The following HSF2 variants were observed in gnomAD, a reference collection of about 807,000 sequenced individuals.
The protein encoded by HSF2 is heat shock transcription factor 2.
In HSF2, 21 loss-of-function variants were observed where a neutral mutation model predicts 65.0. That is an observed-to-expected ratio of 0.32 (90% CI 0.23 to 0.47). The LOEUF (loss-of-function observed/expected upper bound fraction) is 0.47. Ranked by LOEUF, HSF2 falls within the 20% of genes least tolerant of loss-of-function variation. The pLI is 1.00. For missense variants in HSF2, 499 were observed against 628.1 expected, an observed-to-expected ratio of 0.79 and a Z score of 2.20; for synonymous variants, 225 against 219.1, an observed-to-expected ratio of 1.03 and a Z score of -0.24.
At chr6:122,416,445 T>G in intron 5 of HSF2, 149 bp downstream of exon 5, 2 of 497,782 alleles carry the variant, frequency 4.0e-6, no homozygotes, top group Non-Finnish European at 7.1e-6. Context: ...GAAATGAAAT[T>G]AAGCCAAGTG....
intron 10 of HSF2, 44 bp from the exon 11 acceptor site, chr6:122,427,859 T>A (rs1301301968): frequency 5.5e-6 from 8 of 1,457,548 alleles, no homozygotes; most frequent in African/African-American, 1.4e-5. Flanking sequence ...CAATTATTTT[T>A]AATTATTTTT....
chr6:122,423,713 T>A, intron 10 of HSF2, 27 bp downstream of exon 10: 1 of 1,268,064 alleles, frequency 7.9e-7, no homozygotes, highest in Non-Finnish European at 1.1e-6. Flanking sequence ...ATCTTTGCTA[T>A]ACTGGTAGTT....
intron 1 of HSF2, 52 bp downstream of exon 1, chr6:122,399,882 C>G: frequency 7.5e-7 from 1 of 1,329,710 alleles, no homozygotes. Context: ...CGCCTCCTCA[C>G]TCGCTCTCCT....
At chr6:122,421,271 T>C (rs985763023) in intron 7 of HSF2, among the ~76,000 whole-genome samples, 1 of 152,092 alleles carries the variant, frequency 6.6e-6, no homozygotes, top group Admixed American at 6.6e-5. Flanking sequence ...ATCTTTTTGT[T>C]ACTACTTTCA....
At chr6:122,408,266 A>G (rs1003935178) in intron 1 of HSF2, among the ~76,000 whole-genome samples, 6 of 151,658 alleles carry the variant, frequency 4.0e-5, no homozygotes, top group East Asian at 1.9e-4. Context: ...AGGGTAATCT[A>G]TCCTTCAGGA....
intron 11 of HSF2, among the ~76,000 whole-genome samples, chr6:122,430,128 G>A (rs1322329028): frequency 6.6e-5 from 10 of 152,154 alleles, no homozygotes; most frequent in East Asian, 1.9e-4. Flanking sequence ...CTGTGAATCC[G>A]TCTGGTCCTG....
At chr6:122,414,505 A>G (rs111242483) in intron 4 of HSF2, among the ~76,000 whole-genome samples, 240 of 152,274 alleles carry the variant, frequency 1.6e-3, no homozygotes, top group Non-Finnish European at 2.6e-3. Context: ...TACTGTATGT[A>G]TCTTGTGTAT....
At chr6:122,407,886 T>C (rs1242015689) in intron 1 of HSF2, among the ~76,000 whole-genome samples, 3 of 152,164 alleles carry the variant, frequency 2.0e-5, no homozygotes, top group Non-Finnish European at 4.4e-5. Context: ...ATGAAGGCAG[T>C]GGCCATTTCA....
chr6:122,432,136 T>C lies in HSF2; in HGVS notation c.1527T>C (p.Ala509=). 2 of 1,614,160 alleles carry C rather than the reference T, an allele frequency of 1.2e-6. No individual in the cohort carries two copies. The highest frequency in any genetic ancestry group is 1.1e-5 in the South Asian group (1 of 91,086). Reference sequence around the variant, plus strand: ...TTCGCCTGGAGCCATTGACTGAAGCTGAAGCTAGTGAAGCTACACTGTTTT... The same window carrying C: ...TTCGCCTGGAGCCATTGACTGAAGCCGAAGCTAGTGAAGCTACACTGTTTT... The part of the protein sequence containing the change: ...KLVRLEPLTE[A]EASEATLFYL... Residue 509 remains alanine (A), a synonymous_variant, in exon 13 of 13, where the codon GCT becomes GCC. Coordinates refer to ENST00000368455, the MANE Select transcript of HSF2 (RefSeq NM_004506.4).
At chr6:122,412,974 T>A (rs950378930) in intron 3 of HSF2, among the ~76,000 whole-genome samples, 6 of 151,928 alleles carry the variant, frequency 3.9e-5, no homozygotes, top group Admixed American at 3.3e-4. Flanking sequence ...GAATATGAGC[T>A]CCCTGGAAGA....
chr6:122,399,835 G>C lies in HSF2; in HGVS notation c.93+5G>C. On this transcript the variant is annotated splice_donor_5th_base_variant and intron_variant, in intron 1 of 12. Coordinates refer to ENST00000368455, the MANE Select transcript of HSF2 (RefSeq NM_004506.4). The stretch of plus-strand genomic sequence containing the variant: ...GAGTTCATCACCTGGAGCCAGGTAC[G>C]GTCAGGCCACGGCGGCCTCTGAACC... 1 of 1,607,764 alleles carries C rather than the reference G, an allele frequency of 6.2e-7. No homozygotes were observed. Among genetic ancestry groups the C allele is most frequent in the Non-Finnish European group, 8.5e-7 (1 of 1,175,684 alleles).
chr6:122,431,581 C>A, intron 12 of HSF2, 67 bp downstream of exon 12: 1 of 843,552 alleles, frequency 1.2e-6, no homozygotes, highest in South Asian at 1.7e-5. Context: ...AAGTGCAAGC[C>A]GAGGGTAGTC....
chr6:122,404,375 C>T (rs1773814478), intron 1 of HSF2, among the ~76,000 whole-genome samples: 1 of 152,098 alleles, frequency 6.6e-6, no homozygotes, highest in African/African-American at 2.4e-5. Flanking sequence ...TAAAATCCAA[C>T]TTAGATGGAC....
At position 122,427,889 on chromosome 6, in the gene HSF2, G is replaced by C. The variant is rs766826258; in HGVS notation, c.1177-14G>C. The C allele has an allele frequency of 6.4e-7, 1 of 1,573,396 alleles. No individual in the cohort carries two copies. Among genetic ancestry groups the C allele is most frequent in the South Asian group, 1.1e-5 (1 of 87,286 alleles). ...ATTTTTTAAACTTATCATCTTTCTT[G>C]TTTGGTCTTTCAGCTTTTCACTAGT... On this transcript the variant is annotated splice_polypyrimidine_tract_variant and intron_variant, in intron 10 of 12. Coordinates refer to ENST00000368455, the MANE Select transcript of HSF2 (RefSeq NM_004506.4).
chr6:122,420,717 T>TTTTTTTTTTTTTTTTTTTTG (rs1774215190), intron 7 of HSF2, among the ~76,000 whole-genome samples: 1 of 111,554 alleles, frequency 9.0e-6, no homozygotes, highest in Admixed American at 9.4e-5. Flanking sequence ...TTTTTTTTTT[T>TTTTTTTTTTTTTTTTTTTTG]TTTTTTTTTT....
Position 122,407,748 on chromosome 6 carries a change from A to G in HSF2, c.94-4625A>G, listed in dbSNP as rs541276987. ...TCCAATGATCTATATTGCCACTTCT[A>G]TCTTACGTCACAAGTACGTGTAGAT... On this transcript the variant is annotated intron_variant, in intron 1 of 12. Transcript: ENST00000368455. Among the ~76,000 whole-genome samples the G allele has an allele frequency of 3.2e-4, 48 of 152,224 alleles. 1 individual carries two copies. In the South Asian group the frequency reaches 9.3e-3, roughly 30 times the overall value.
intron 7 of HSF2, among the ~76,000 whole-genome samples, chr6:122,421,690 C>T (rs1293308094): frequency 6.6e-6 from 1 of 151,750 alleles, no homozygotes; most frequent in Non-Finnish European, 1.5e-5. Context: ...AGGTGAAGTG[C>T]GTTTTTTTCT....
Position 122,422,305 on chromosome 6 carries a change from A to T in HSF2, c.830+7A>T. 1 of 1,573,124 alleles carries T rather than the reference A, an allele frequency of 6.4e-7. No homozygotes were observed. Among genetic ancestry groups the T allele is most frequent in the Non-Finnish European group, 8.7e-7 (1 of 1,149,658 alleles). ...TTATATCTGATCCCTCCAAGTAAGG[A>T]GTTTGTGAGATAAAATGTATGAAAA... On this transcript the variant is annotated splice_region_variant and intron_variant, in intron 8 of 12. Transcript: ENST00000368455.
rs765323288 is a variant in HSF2 at position 122,428,002 on chromosome 6, T to A, written c.1230+46T>A. 3.1e-6 allele frequency: 4 copies of A among 1,288,370 alleles called. No homozygotes were observed. The South Asian group carries it at 4.0e-5, about 13-fold the overall frequency. 79.8% of individuals were successfully genotyped at this position (1,288,370 alleles called of 1,614,324 possible). ...CTCAGGACCCATAGCTATAAAAATC[T>A]ACAAAAACGTCCTAATAAGTAGAGA... On this transcript the variant is annotated intron_variant, in intron 11 of 12. Coordinates refer to ENST00000368455, the MANE Select transcript of HSF2 (RefSeq NM_004506.4).
Sources: allele counts gnomAD v4.1 joint callset (sites outside exome capture counted in the v4.1 genomes callset), GRCh38; gene constraint gnomAD v4.1.1; transcripts MANE v1.5; gene names NCBI Gene and HGNC (gene_info 2026-07-23, HGNC 2026-07-21).